The following ZNF780B variants were observed in gnomAD, a reference collection of about 807,000 sequenced individuals.
ZNF780B encodes zinc finger protein 779.
Under a neutral mutation model 74.1 loss-of-function variants are expected in ZNF780B, and 52 were observed. That is an observed-to-expected ratio of 0.70 (90% CI 0.56 to 0.88). The LOEUF is 0.88. Ranked by LOEUF, ZNF780B falls within the 40% of genes least tolerant of loss-of-function variation. ZNF780B has a pLI of 0.00. For synonymous variants in ZNF780B, 315 were observed against 324.3 expected, an observed-to-expected ratio of 0.97 and a Z score of 0.31; for missense variants, 953 against 1,007.6, an observed-to-expected ratio of 0.95 and a Z score of 0.73.
chr19:40,049,574 G>C (rs1973112511), intron 2 of ZNF780B, among the ~76,000 whole-genome samples: 1 of 152,148 alleles, frequency 6.6e-6, no homozygotes, highest in Admixed American at 6.5e-5. Context: ...TGTCACGCTT[G>C]CAGACTGAGG....
chr19:40,055,415 C>T (rs991340168), intron 1 of ZNF780B: 1 of 152,146 alleles, frequency 6.6e-6, no homozygotes, highest in African/African-American at 2.4e-5. Context: ...CACAAACTCA[C>T]CCTTGACTTA....
At chr19:40,045,495 A>G (rs1023683611) in intron 4 of ZNF780B, among the ~76,000 whole-genome samples, 3 of 152,242 alleles carry the variant, frequency 2.0e-5, no homozygotes. Context: ...AGATAAAATC[A>G]GTATATCAAA....
At chr19:40,052,346 C>G (rs980257898) in intron 1 of ZNF780B, among the ~76,000 whole-genome samples, 2 of 152,084 alleles carry the variant, frequency 1.3e-5, no homozygotes, top group Non-Finnish European at 1.5e-5. Context: ...ACATCACCCC[C>G]GCTGAGAATC....
chr19:40,039,746 T>C (rs539864121), intron 4 of ZNF780B, among the ~76,000 whole-genome samples: 2 of 152,328 alleles, frequency 1.3e-5, no homozygotes, highest in Admixed American at 6.5e-5. Context: ...CTTGTGATTT[T>C]TGTACATTGA....
intron 4 of ZNF780B, among the ~76,000 whole-genome samples, chr19:40,042,224 T>C (rs1972677485): frequency 6.6e-6 from 1 of 152,220 alleles, no homozygotes; most frequent in South Asian, 2.1e-4. Flanking sequence ...ATGTTGAATA[T>C]TGGCCCCCAC....
At chr19:40,036,747 G>C (rs1972344672) in intron 4 of ZNF780B, 121 bp from the exon 5 acceptor site, 1 of 616,802 alleles carries the variant, frequency 1.6e-6, no homozygotes, top group Admixed American at 3.6e-5. Flanking sequence ...ATCTGAAAAA[G>C]GAAAAGGGTG....
chr19:40,047,462 T>C lies in ZNF780B; in HGVS notation c.145A>G (p.Ile49Val), dbSNP rs1599789293. Residue 49 changes from isoleucine to valine, a missense_variant, in exon 4 of 5, where the codon ATT becomes GTT. By Grantham distance (29) the Ile-to-Val change is conservative (BLOSUM62 3). Coordinates refer to ENST00000434248, the MANE Select transcript of ZNF780B (RefSeq NM_001005851.3). The stretch of plus-strand genomic sequence containing the variant: ...AATGTAATCACATCTGGCTTAGAAA[T>C]GGAACTTCCTGCTTAAAAGAAATAA... Reference protein sequence around the residue: ...YSHLISLGSSISKPDVITLLE... With the variant: ...YSHLISLGSSVSKPDVITLLE... 1 of 1,609,460 alleles carries C rather than the reference T, an allele frequency of 6.2e-7. No individual in the cohort carries two copies. The highest frequency in any genetic ancestry group is 8.5e-7 in the Non-Finnish European group (1 of 1,177,810).
At chr19:40,038,797 G>A (rs1343625421) in intron 4 of ZNF780B, among the ~76,000 whole-genome samples, 1 of 151,776 alleles carries the variant, frequency 6.6e-6, no homozygotes, top group African/African-American at 2.4e-5. Context: ...GTTCATTGTA[G>A]ATTCTGGATA....
At chr19:40,037,971 GT>G (rs1972430633) in intron 4 of ZNF780B, among the ~76,000 whole-genome samples, 1 of 149,160 alleles carries the variant, frequency 6.7e-6, no homozygotes, top group East Asian at 2.0e-4. Flanking sequence ...GTGCAGGTTT[GT>G]TACATATGTA....
intron 1 of ZNF780B, among the ~76,000 whole-genome samples, chr19:40,050,638 C>G (rs1252850823): frequency 6.6e-6 from 1 of 152,258 alleles, no homozygotes; most frequent in Non-Finnish European, 1.5e-5. Flanking sequence ...CGAGCACAGG[C>G]ATTTCTGCCT....
chr19:40,034,376 C>T lies in ZNF780B; in HGVS notation c.2483G>A (p.Arg828Lys), dbSNP rs1972125651. 6.2e-7 allele frequency: 1 copy of T among 1,606,892 alleles called. No homozygotes were observed. The highest frequency in any genetic ancestry group is 1.1e-5 in the South Asian group (1 of 90,284). ...AGGTTTTCACCCAAGTATGAATTTT[C>T]TGATGTTCAGTAAGTTGCTACTGAT... is the stretch of plus-strand genomic sequence containing the variant. Reference protein sequence around the residue: ...SDISSNLLNIRKFILG With the variant: ...SDISSNLLNIKKFILG Residue 828 changes from arginine (R) to lysine (K), a missense_variant, in exon 5 of 5, where the codon AGA becomes AAA. By Grantham distance (26) the Arg-to-Lys change is conservative. Coordinates refer to ENST00000434248, the MANE Select transcript of ZNF780B (RefSeq NM_001005851.3).
At chr19:40,038,898 A>T (rs991725185) in intron 4 of ZNF780B, among the ~76,000 whole-genome samples, 1 of 151,002 alleles carries the variant, frequency 6.6e-6, no homozygotes, top group Non-Finnish European at 1.5e-5. Context: ...TTTGCTGTGC[A>T]GAAGCTCTTT....
intron 4 of ZNF780B, among the ~76,000 whole-genome samples, chr19:40,046,664 C>A (rs537417423): frequency 6.6e-6 from 1 of 152,296 alleles, no homozygotes; most frequent in South Asian, 2.1e-4. Flanking sequence ...TTCCTTGTCT[C>A]TATAGCATGA....
intron 3 of ZNF780B, 94 bp from the exon 4 acceptor site, chr19:40,047,564 C>T (rs1332532164): frequency 1.3e-6 from 1 of 747,838 alleles, no homozygotes; most frequent in Non-Finnish European, 2.0e-6. Context: ...AATTACAAGC[C>T]AAAACAATAT....
At chr19:40,036,711 TAAAA>T in intron 4 of ZNF780B, 85 bp from the exon 5 acceptor site, 6 of 803,346 alleles carry the variant, frequency 7.5e-6, no homozygotes, top group Non-Finnish European at 7.6e-6. Context: ...GGCCTAAGTA[TAAAA>T]TATAATACTT....
At position 40,032,320 on chromosome 19, in the gene ZNF780B, C is replaced by A; in HGVS notation, c.*2037G>T. 1 of 374,220 alleles carries A rather than the reference C, an allele frequency of 2.7e-6. No homozygotes were observed. Among genetic ancestry groups the A allele is most frequent in the South Asian group, 2.1e-5 (1 of 47,528 alleles). The allele number at this position is 374,220 out of a possible 1,614,324, so 23.2% of individuals were successfully genotyped here. ...AAGTTCCACAGGGGATTCTGATACC[C>A]ACCATAATTTGAGAGCATACTTTCA... On this transcript the variant is annotated 3_prime_UTR_variant, in exon 5 of 5. Coordinates refer to ENST00000434248, the MANE Select transcript of ZNF780B (RefSeq NM_001005851.3).
intron 1 of ZNF780B, among the ~76,000 whole-genome samples, chr19:40,053,285 T>C (rs1263850597): frequency 1.3e-5 from 2 of 152,124 alleles, no homozygotes; most frequent in Non-Finnish European, 2.9e-5. Context: ...AAAGACGACA[T>C]ATAAATGGCT....
intron 4 of ZNF780B, among the ~76,000 whole-genome samples, chr19:40,040,948 G>T (rs558075235): frequency 2.0e-5 from 3 of 152,210 alleles, no homozygotes; most frequent in Admixed American, 1.3e-4. Context: ...CTTGCCTTCT[G>T]CTAGCTTTTG....
intron 3 of ZNF780B, 75 bp from the exon 4 acceptor site, chr19:40,047,545 C>T: frequency 2.1e-6 from 2 of 961,904 alleles, no homozygotes; most frequent in Non-Finnish European, 3.0e-6. Flanking sequence ...CCTAGTTAAA[C>T]TTATAATAAA....
Sources: allele counts gnomAD v4.1 joint callset (sites outside exome capture counted in the v4.1 genomes callset), GRCh38; gene constraint gnomAD v4.1.1; transcripts MANE v1.5; gene names NCBI Gene and HGNC (gene_info 2026-07-23, HGNC 2026-07-21).